Variants in PLEKHH2 observed in about 807,000 individuals in gnomAD.
PLEKHH2 encodes pleckstrin homology, MyTH4 and FERM domain containing H2, also known as pleckstrin homology domain-containing family H member 2.
A neutral mutation model predicts 187.9 loss-of-function variants in PLEKHH2; 129 were observed. The ratio of observed to expected loss-of-function variants is 0.69; its 90% CI spans 0.59 to 0.79. The LOEUF is 0.79. PLEKHH2 is among the 30% of genes least tolerant of loss of function. The probability of loss-of-function intolerance (pLI) is 0.00; values close to 1 mark genes in which losing one functional copy is unlikely to be tolerated. For synonymous variants in PLEKHH2, 686 were observed against 605.6 expected (o/e 1.13, Z -1.95); for missense variants, 2,076 against 1,751.2 (o/e 1.19, Z -3.31).
At position 43,700,094 on chromosome 2, in the gene PLEKHH2, A is replaced by G; in HGVS notation, c.1136A>G (p.Gln379Arg). 6.2e-7 allele frequency: 1 copy of G among 1,614,154 alleles called. No homozygotes were observed. The highest frequency in any genetic ancestry group is 8.5e-7 in the Non-Finnish European group (1 of 1,179,978). ...KGNSELSKKE[Q>R]DSSSDELNKK... ...AATTCTGAATTAAGTAAAAAGGAAC[A>G]AGATAGTTCCTCGGATGAACTGAAT... The change falls in exon 8 of 30, where the codon CAA (glutamine) becomes CGA (arginine). Residue 379 changes from glutamine (Q) to arginine (R), a missense_variant. Physicochemically the swap from Gln to Arg is conservative, Grantham distance 43. Coordinates refer to ENST00000282406, the MANE Select transcript of PLEKHH2 (RefSeq NM_172069.4).
At position 43,706,499 on chromosome 2, in the gene PLEKHH2, A is replaced by G. The variant is rs904083102; in HGVS notation, c.1821+83A>G. 5 of 995,400 alleles carry G rather than the reference A, an allele frequency of 5.0e-6. No individual in the cohort carries two copies. In the African/African-American group the frequency reaches 8.1e-5, roughly 16 times the overall value. The allele number at this position is 995,400 out of a possible 1,614,324, so 61.7% of individuals were successfully genotyped here. ...ATTGTTAATTCAAGCTCCAGATTCC[A>G]TTCTTAACATTTTACACAGGCTCTC... On this transcript the variant is annotated intron_variant, in intron 10 of 29. Transcript: ENST00000282406.
At chr2:43,668,218 G>C (rs1414459444) in intron 2 of PLEKHH2, among the ~76,000 whole-genome samples, 1 of 152,088 alleles carries the variant, frequency 6.6e-6, no homozygotes, top group Non-Finnish European at 1.5e-5. Flanking sequence ...TTTTAATAGA[G>C]ACAAGGTTTT....
At chr2:43,754,199 CACACACAA>C (rs1672119561) in intron 25 of PLEKHH2, among the ~76,000 whole-genome samples, 1 of 115,508 alleles carries the variant, frequency 8.7e-6, no homozygotes, top group Non-Finnish European at 1.8e-5. Context: ...CACACACACA[CACACACAA>C]AATTAATACT....
intron 1 of PLEKHH2, among the ~76,000 whole-genome samples, chr2:43,640,920 A>G (rs1181975837): frequency 1.3e-5 from 2 of 148,298 alleles, no homozygotes; most frequent in Non-Finnish European, 3.0e-5. Flanking sequence ...AGTAGCTGGG[A>G]CTACAGGCCT....
In PLEKHH2 at chr2:43,754,664, T is replaced by C. The variant is rs1034711930; in HGVS notation, c.3795+904T>C. Reference sequence around the variant, plus strand: ...ACACCCAAGTCTTTGCCTAGGTTAATTAAGGAAAATGTTAAAGCAACTCTG... The same window carrying C: ...ACACCCAAGTCTTTGCCTAGGTTAACTAAGGAAAATGTTAAAGCAACTCTG... On this transcript the variant is annotated intron_variant, in intron 25 of 29. Coordinates refer to ENST00000282406, the MANE Select transcript of PLEKHH2 (RefSeq NM_172069.4). Among the ~76,000 whole-genome samples, 4 of 152,164 alleles carry C rather than the reference T, an allele frequency of 2.6e-5. No individual in the cohort carries two copies. In the East Asian group the frequency reaches 7.7e-4, roughly 29 times the overall value.
chr2:43,706,371 G>T lies in PLEKHH2; in HGVS notation c.1776G>T (p.Leu592=), dbSNP rs775073421. The change falls in exon 10 of 30, where the codon CTG becomes CTT. Residue 592 remains leucine, a synonymous_variant. Coordinates refer to ENST00000282406, the MANE Select transcript of PLEKHH2 (RefSeq NM_172069.4). The part of the protein sequence containing the change: ...SYTTSGLYTS[L]IYKNMTTPVY... ...CTACATCAGGACTTTATACATCTCT[G>T]ATATACAAGAACATGACCACCCCAG... 1 of 1,609,396 alleles carries T rather than the reference G, an allele frequency of 6.2e-7. No homozygotes were observed. The highest frequency in any genetic ancestry group is 8.5e-7 in the Non-Finnish European group (1 of 1,175,974).
At chr2:43,749,473 G>T (rs1025443920) in intron 24 of PLEKHH2, among the ~76,000 whole-genome samples, 1 of 152,190 alleles carries the variant, frequency 6.6e-6, no homozygotes, top group Non-Finnish European at 1.5e-5. Flanking sequence ...TGAGGGCTGT[G>T]TCACAGGCCA....
At chr2:43,746,385 C>T (rs145288624) in intron 24 of PLEKHH2, among the ~76,000 whole-genome samples, 8,243 of 152,160 alleles carry the variant, frequency 0.054, 304 homozygotes, top group Middle Eastern at 0.14. Context: ...GTGGCATGTG[C>T]CTGTAATCTC....
In PLEKHH2 at chr2:43,742,885, T is replaced by C. The variant is rs1422159488; in HGVS notation, c.3366T>C (p.Ser1122=). 5 of 1,599,916 alleles carry C rather than the reference T, an allele frequency of 3.1e-6. No homozygotes were observed. Among genetic ancestry groups the C allele is most frequent in the Non-Finnish European group, 4.3e-6 (5 of 1,174,810 alleles). The change falls in exon 22 of 30, where the codon AGT becomes AGC. Residue 1122 remains serine (S), a synonymous_variant. Transcript: ENST00000282406. The stretch of plus-strand genomic sequence containing the variant: ...CTTATCACCATTCTTTGCCCTTTAG[T>C]ATACCTGTGCACTTCATGAATGGGA... The part of the protein sequence containing the change: ...RNPYHHSLPF[S]IPVHFMNGIY...
Position 43,697,181 on chromosome 2 carries a change from AAAG to A in PLEKHH2, c.517_519del (p.Lys173del), listed in dbSNP as rs756743361. 6.4e-7 allele frequency: 1 copy of A among 1,570,982 alleles called. No homozygotes were observed. The highest frequency in any genetic ancestry group is 1.2e-5 in the South Asian group (1 of 82,084). On this transcript the variant is annotated inframe_deletion, in exon 7 of 30. Coordinates refer to ENST00000282406, the MANE Select transcript of PLEKHH2 (RefSeq NM_172069.4). ...TTAACGATGTTGTAGAAGTTCAAGG[AAAG>A]AAGTCATCCACTGTCTCTACACTAA...
intron 16 of PLEKHH2, among the ~76,000 whole-genome samples, chr2:43,724,324 C>T (rs955246198): frequency 6.6e-6 from 1 of 152,186 alleles, no homozygotes; most frequent in Admixed American, 6.5e-5. Context: ...TGAAACTTAG[C>T]ATGTAAACGT....
chr2:43,676,352 T>C, intron 2 of PLEKHH2: 2 of 1,537,594 alleles, frequency 1.3e-6, no homozygotes, highest in Non-Finnish European at 1.8e-6. Context: ...TGTGCCAGGG[T>C]CAAAGGCAGC....
Position 43,749,770 on chromosome 2 carries a change from A to G in PLEKHH2, c.3653+3807A>G, listed in dbSNP as rs139737420. ...AGCCCTAATTTCTAGTGATACAGTT[A>G]GGAGGGAACCTTGCTGTGACCTGTC... On this transcript the variant is annotated intron_variant, in intron 24 of 29. Transcript: ENST00000282406. Among the ~76,000 whole-genome samples, 653 of 152,348 alleles carry G rather than the reference A, an allele frequency of 4.3e-3. 1 individual carries two copies. The highest frequency in any genetic ancestry group is 6.8e-3 in the Non-Finnish European group (463 of 68,024).
intron 25 of PLEKHH2, among the ~76,000 whole-genome samples, chr2:43,754,203 C>CAAAAAA (rs1472842755): frequency 5.6e-5 from 8 of 142,648 alleles, no homozygotes; most frequent in African/African-American, 2.3e-4. Flanking sequence ...CACACACACA[C>CAAAAAA]ACAAAATTAA....
Position 43,700,053 on chromosome 2 carries a change from T to A in PLEKHH2, c.1095T>A (p.Ser365Arg). The A allele has an allele frequency of 6.2e-7, 1 of 1,614,090 alleles. No homozygotes were observed. Among genetic ancestry groups the A allele is most frequent in the Non-Finnish European group, 8.5e-7 (1 of 1,180,020 alleles). ...QQEAQWKALN[S>R]PLGKGNSELS... ...AGGCACAGTGGAAAGCTCTAAATAG[T>A]CCTCTTGGAAAGGGAAATTCTGAAT... is the stretch of plus-strand genomic sequence containing the variant. The change falls in exon 8 of 30, where the codon AGT becomes AGA. Residue 365 changes from serine to arginine, a missense_variant. Transcript: ENST00000282406.
At chr2:43,679,661 A>T in intron 3 of PLEKHH2, 1 of 223,436 alleles carries the variant, frequency 4.5e-6, no homozygotes. Flanking sequence ...ATACCCGGCT[A>T]ATTTTTATAT....
At chr2:43,656,409 C>A (rs1260719274) in intron 2 of PLEKHH2, among the ~76,000 whole-genome samples, 1 of 151,838 alleles carries the variant, frequency 6.6e-6, no homozygotes, top group Non-Finnish European at 1.5e-5. Flanking sequence ...GAAGCTGAGA[C>A]ACTGAATTTC....
chr2:43,757,236 A>C lies in PLEKHH2; in HGVS notation c.3913A>C (p.Arg1305=). Residue 1305 remains arginine, a synonymous_variant, in exon 26 of 30, where the codon AGA becomes CGA. Coordinates refer to ENST00000282406, the MANE Select transcript of PLEKHH2 (RefSeq NM_172069.4). The part of the protein sequence containing the change: ...VIEKFYPKRY[R]DGCSEEQLRQ... ...AGAGAAATTTTATCCTAAAAGGTAT[A>C]GAGATGGCTGTTCTGAAGAGCAGTT... is the stretch of plus-strand genomic sequence containing the variant. 1 of 1,591,814 alleles carries C rather than the reference A, an allele frequency of 6.3e-7. No homozygotes were observed. The highest frequency in any genetic ancestry group is 1.2e-5 in the South Asian group (1 of 86,526).
intron 2 of PLEKHH2, among the ~76,000 whole-genome samples, chr2:43,656,115 T>G (rs2116549): frequency 0.58 from 87,256 of 151,726 alleles, 25,613 homozygotes; most frequent in Middle Eastern, 0.68. Context: ...TGTGCCATCA[T>G]GCCGGCTAAT....
Sources: allele counts gnomAD v4.1 joint callset (sites outside exome capture counted in the v4.1 genomes callset), GRCh38; gene constraint gnomAD v4.1.1; transcripts MANE v1.5; gene names NCBI Gene and HGNC (gene_info 2026-07-23, HGNC 2026-07-21).